Variants in PRDM4 observed in about 807,000 individuals in gnomAD.
PRDM4 encodes PR domain zinc finger protein 4.
Under a neutral mutation model 62.3 loss-of-function variants are expected in PRDM4, and 38 were observed. The ratio of observed to expected loss-of-function variants is 0.61; its 90% CI spans 0.47 to 0.80. The LOEUF is 0.80. Ranked by LOEUF, PRDM4 falls within the 30% of genes least tolerant of loss-of-function variation. PRDM4 has a pLI of 0.00. For missense variants in PRDM4, 858 were observed against 997.1 expected (o/e 0.86, Z 1.88); for synonymous variants, 339 against 348.2 (o/e 0.97, Z 0.30).
chr12:107,751,668 A>G lies in PRDM4; in HGVS notation c.873T>C (p.Thr291=). The part of the protein sequence containing the change: ...SDSALSDSIH[T]VAMSTNSVSV... ...TTACAGAGTTGGTGCTCATGGCCAC[A>G]GTGTGAATGGAGTCACTGAGGGCAC... The change falls in exon 5 of 12, where the codon ACT becomes ACC. Residue 291 remains threonine (T), a synonymous_variant. Transcript: ENST00000228437. 6.2e-7 allele frequency: 1 copy of G among 1,614,176 alleles called. No homozygotes were observed. The highest frequency in any genetic ancestry group is 8.5e-7 in the Non-Finnish European group (1 of 1,180,026).
At chr12:107,743,793 T>A (rs1301781965) in intron 7 of PRDM4, among the ~76,000 whole-genome samples, 4 of 152,184 alleles carry the variant, frequency 2.6e-5, no homozygotes, top group African/African-American at 9.7e-5. Context: ...TATGTGAAAA[T>A]GTTGTATTTC....
chr12:107,760,806 CACA>C lies in PRDM4; in HGVS notation c.-256-38_-256-36del, dbSNP rs575732661. On this transcript the variant is annotated intron_variant, in intron 1 of 11. Transcript: ENST00000228437. ...TGGGGACAAGAGCGGTCACCAAAAC[CACA>C]ACAAGGTCGCAGCCCCCATCCCAGC... 716 of 389,174 alleles carry C rather than the reference CACA, an allele frequency of 1.8e-3. 8 individuals are homozygous for C. Among genetic ancestry groups the C allele is most frequent in the African/African-American group, 0.014 (667 of 47,212 alleles). 24.1% of individuals were successfully genotyped at this position (389,174 alleles called of 1,614,324 possible).
chr12:107,747,745 T>C (rs1004845662), intron 5 of PRDM4, among the ~76,000 whole-genome samples: 3 of 152,148 alleles, frequency 2.0e-5, no homozygotes, highest in Non-Finnish European at 4.4e-5. Flanking sequence ...TCCACAACCA[T>C]TCACAAAATA....
intron 11 of PRDM4, among the ~76,000 whole-genome samples, chr12:107,737,331 G>A (rs781685548): frequency 2.0e-5 from 3 of 152,016 alleles, no homozygotes; most frequent in South Asian, 4.2e-4. Context: ...TTTTACCAAC[G>A]ATCTCCATAG....
At chr12:107,749,143 T>G (rs1434662742) in intron 5 of PRDM4, among the ~76,000 whole-genome samples, 1 of 152,104 alleles carries the variant, frequency 6.6e-6, no homozygotes, top group African/African-American at 2.4e-5. Context: ...TCCACACTCT[T>G]ACTAGATGAT....
chr12:107,757,085 AC>A, intron 2 of PRDM4, 120 bp from the exon 3 acceptor site: 1 of 949,430 alleles, frequency 1.1e-6, no homozygotes, highest in Non-Finnish European at 1.6e-6. Flanking sequence ...CTATTAGTTC[AC>A]TTTTACGCTC....
chr12:107,740,151 A>C (rs1446442472), intron 10 of PRDM4, among the ~76,000 whole-genome samples: 1 of 152,198 alleles, frequency 6.6e-6, no homozygotes, highest in South Asian at 2.1e-4. Context: ...GATGACCCCA[A>C]CAAGAAAGCT....
chr12:107,750,437 G>A (rs932415975), intron 5 of PRDM4, among the ~76,000 whole-genome samples: 2 of 152,078 alleles, frequency 1.3e-5, no homozygotes, highest in African/African-American at 2.4e-5. Flanking sequence ...CCAGTTGCTC[G>A]GGAGGCTAAA....
chr12:107,756,197 T>C (rs1480298921), intron 3 of PRDM4, among the ~76,000 whole-genome samples: 3 of 151,962 alleles, frequency 2.0e-5, no homozygotes, highest in Non-Finnish European at 2.9e-5. Context: ...GAGGCGGAGG[T>C]TGCAGTGAGC....
At chr12:107,740,306 G>A (rs536624917) in intron 10 of PRDM4, among the ~76,000 whole-genome samples, 16 of 152,210 alleles carry the variant, frequency 1.1e-4, no homozygotes, top group African/African-American at 3.9e-4. Context: ...TGGCAACATG[G>A]CAAAACCCCA....
In PRDM4 at chr12:107,737,361, A is replaced by G. The variant is rs533193312; in HGVS notation, c.2093+2022T>C. ...CCATAGGAAGCCTAAAGCCTCATTC[A>G]AAACCATTTTGAGGGAACAGTGCTT... On this transcript the variant is annotated intron_variant, in intron 11 of 11. Coordinates refer to ENST00000228437, the MANE Select transcript of PRDM4 (RefSeq NM_012406.4). Among the ~76,000 whole-genome samples the G allele has an allele frequency of 5.9e-5, 9 of 152,294 alleles. No individual in the cohort carries two copies. The South Asian group carries it at 1.7e-3, about 28-fold the overall frequency.
chr12:107,736,936 C>G (rs1038313527), intron 11 of PRDM4: 6 of 152,170 alleles, frequency 3.9e-5, no homozygotes, highest in African/African-American at 1.2e-4. Context: ...TGGAGGAAAT[C>G]AAATTCATGG....
rs145079180 is a variant in PRDM4, at chr12:107,753,513, G to A, written c.331+411C>T. Among the ~76,000 whole-genome samples, 104 of 152,268 alleles carry A rather than the reference G, an allele frequency of 6.8e-4. 2 individuals are homozygous for A. The highest frequency in any genetic ancestry group is 2.4e-3 in the African/African-American group (99 of 41,558). On this transcript the variant is annotated intron_variant, in intron 4 of 11. Coordinates refer to ENST00000228437, the MANE Select transcript of PRDM4 (RefSeq NM_012406.4). ...AAAAAGATGGATGATGGGACTGAGTGGTTCCTTCCCTTATTTGCTAAATTT... is the reference window on the plus strand; with the variant it reads ...AAAAAGATGGATGATGGGACTGAGTAGTTCCTTCCCTTATTTGCTAAATTT...
At chr12:107,738,040 T>C (rs577568929) in intron 11 of PRDM4, 1 of 152,306 alleles carries the variant, frequency 6.6e-6, no homozygotes, top group South Asian at 2.1e-4. Flanking sequence ...TTTCTCACAG[T>C]CCTGGAGGCT....
At chr12:107,738,774 C>T (rs1890415876) in intron 11 of PRDM4, among the ~76,000 whole-genome samples, 1 of 152,074 alleles carries the variant, frequency 6.6e-6, no homozygotes, top group African/African-American at 2.4e-5. Flanking sequence ...TCCTTAAAAT[C>T]CTATAGTGCT....
intron 5 of PRDM4, among the ~76,000 whole-genome samples, chr12:107,748,598 A>G (rs1004912284): frequency 1.3e-5 from 2 of 152,248 alleles, no homozygotes; most frequent in East Asian, 3.8e-4. Flanking sequence ...GTATCGCATG[A>G]TTCCATTTAT....
At chr12:107,746,610 A>G (rs1293339742) in intron 5 of PRDM4, among the ~76,000 whole-genome samples, 186 bp from the exon 6 acceptor site, 1 of 151,674 alleles carries the variant, frequency 6.6e-6, no homozygotes, top group African/African-American at 2.4e-5. Flanking sequence ...TGAGCCTCCC[A>G]TATAGCTGGG....
rs138337454 is a variant in PRDM4, at chr12:107,748,139, T to C, written c.1127-1715A>G. ...GGTTGCAGTGAGGCTGAGATTGCGC[T>C]ACTGCACACCAGCCTGGGTGACAGA... On this transcript the variant is annotated intron_variant, in intron 5 of 11. Coordinates refer to ENST00000228437, the MANE Select transcript of PRDM4 (RefSeq NM_012406.4). Among the ~76,000 whole-genome samples, 538 of 151,966 alleles carry C rather than the reference T, an allele frequency of 3.5e-3. 3 individuals carry two copies. The highest frequency in any genetic ancestry group is 0.012 in the African/African-American group (488 of 41,462).
chr12:107,753,506 A>G, intron 4 of PRDM4, among the ~76,000 whole-genome samples: 1 of 152,214 alleles, frequency 6.6e-6, no homozygotes, highest in African/African-American at 2.4e-5. Context: ...GGATGATGGG[A>G]CTGAGTGGTT....
Sources: allele counts gnomAD v4.1 joint callset (sites outside exome capture counted in the v4.1 genomes callset), GRCh38; gene constraint gnomAD v4.1.1; transcripts MANE v1.5; gene names NCBI Gene and HGNC (gene_info 2026-07-23, HGNC 2026-07-21).